MBTD1: variants seen among roughly 807,000 people sequenced by gnomAD.
The protein encoded by MBTD1 is MBT domain-containing protein 1.
Under a neutral mutation model 87.8 loss-of-function variants are expected in MBTD1, and 24 were observed. The observed-to-expected ratio is 0.27, with a 90% confidence interval of 0.20 to 0.38. The LOEUF is 0.38. MBTD1 is among the 10% of genes least tolerant of loss of function. The pLI, the probability that MBTD1 is intolerant of heterozygous loss-of-function variation, is 1.00. For missense variants in MBTD1, 436 were observed against 760.2 expected (o/e 0.57, Z 5.02); for synonymous variants, 237 against 248.6 (o/e 0.95, Z 0.44).
At chr17:51,216,072 C>T (rs569321514) in intron 6 of MBTD1, among the ~76,000 whole-genome samples, 1 of 151,828 alleles carries the variant, frequency 6.6e-6, no homozygotes, top group African/African-American at 2.4e-5. Flanking sequence ...GCTGGGACTA[C>T]AGGTGCCCAC....
chr17:51,199,451 A>T (rs866647937), intron 12 of MBTD1, among the ~76,000 whole-genome samples: 11 of 146,648 alleles, frequency 7.5e-5, no homozygotes, highest in African/African-American at 2.0e-4. Flanking sequence ...TTTTAAAAAA[A>T]TTTTTTTTTT....
At chr17:51,217,992 T>A (rs1361182599) in intron 5 of MBTD1, among the ~76,000 whole-genome samples, 7 of 152,204 alleles carry the variant, frequency 4.6e-5, no homozygotes, top group Admixed American at 3.9e-4. Flanking sequence ...TTGAGAGAAG[T>A]GTACAGAATG....
In MBTD1 at chr17:51,221,895, G is replaced by C. The variant is rs1568198450; in HGVS notation, c.155-1432C>G. On this transcript the variant is annotated intron_variant, in intron 3 of 16. Coordinates refer to ENST00000586178, the MANE Select transcript of MBTD1 (RefSeq NM_017643.3). ...GGAACCAATCCCCCATGGATACCAG[G>C]GGACAACTGTACTTACTTACAAATC... 2.0e-5 allele frequency among the ~76,000 whole-genome samples: 3 copies of C among 152,234 alleles called. No individual in the cohort carries two copies. The South Asian group carries it at 6.2e-4, about 32-fold the overall frequency.
chr17:51,251,656 G>GTTT (rs2054792865), intron 2 of MBTD1: 1 of 152,092 alleles, frequency 6.6e-6, no homozygotes, highest in Non-Finnish European at 1.5e-5. Flanking sequence ...TTGGAATTTG[G>GTTT]TTTATTTCTC....
At chr17:51,224,666 GA>G (rs1163880737) in intron 3 of MBTD1, among the ~76,000 whole-genome samples, 1 of 152,094 alleles carries the variant, frequency 6.6e-6, no homozygotes, top group Non-Finnish European at 1.5e-5. Flanking sequence ...TAATATAGAG[GA>G]GGGAGCCCAA....
intron 2 of MBTD1, among the ~76,000 whole-genome samples, chr17:51,241,223 C>G (rs1468176815): frequency 1.3e-5 from 2 of 152,304 alleles, no homozygotes; most frequent in Non-Finnish European, 2.9e-5. Flanking sequence ...ATCCTCCTGC[C>G]TTGGCCTCCC....
At position 51,259,162 on chromosome 17, in the gene MBTD1, A is replaced by T; in HGVS notation, c.-68T>A. On this transcript the variant is annotated 5_prime_UTR_variant, in exon 2 of 17. Transcript: ENST00000586178. ...ACCTACCACTTGTCAGAGAGGCTGC[A>T]GAGGGGACGGCTGCTTTGGATGACC... 1 of 834,378 alleles carries T rather than the reference A, an allele frequency of 1.2e-6. No homozygotes were observed. Among genetic ancestry groups the T allele is most frequent in the Non-Finnish European group, 1.6e-6 (1 of 624,332 alleles). The allele number at this position is 834,378 out of a possible 1,614,324, so 51.7% of individuals were successfully genotyped here. A position where few individuals can be genotyped will look rare whatever the true frequency, so the allele number is the denominator to read the frequency against.
At chr17:51,242,486 GACT>G in intron 2 of MBTD1, among the ~76,000 whole-genome samples, 1 of 152,260 alleles carries the variant, frequency 6.6e-6, no homozygotes, top group African/African-American at 2.4e-5. Flanking sequence ...TCTCTAGACT[GACT>G]ACTGAGTATA....
chr17:51,248,597 G>C (rs2054589710), intron 2 of MBTD1, among the ~76,000 whole-genome samples: 1 of 152,126 alleles, frequency 6.6e-6, no homozygotes, highest in African/African-American at 2.4e-5. Context: ...ATATATTTAA[G>C]ATTTTATATA....
chr17:51,231,364 T>A (rs1466892123), intron 2 of MBTD1, among the ~76,000 whole-genome samples: 3 of 152,218 alleles, frequency 2.0e-5, no homozygotes, highest in African/African-American at 4.8e-5. Context: ...GACTCTATTT[T>A]CAGGGAATAT....
chr17:51,230,285 T>C (rs2053477898), intron 2 of MBTD1, among the ~76,000 whole-genome samples: 1 of 152,154 alleles, frequency 6.6e-6, no homozygotes, highest in South Asian at 2.1e-4. Context: ...CAGTGTGGTG[T>C]TATGAACACA....
chr17:51,258,174 G>C (rs1338609875), intron 2 of MBTD1, among the ~76,000 whole-genome samples: 1 of 152,138 alleles, frequency 6.6e-6, no homozygotes, highest in Non-Finnish European at 1.5e-5. Flanking sequence ...TAGGAGACTG[G>C]GGCTTAAGGT....
chr17:51,239,079 G>A (rs1568225118), intron 2 of MBTD1, among the ~76,000 whole-genome samples: 1 of 144,564 alleles, frequency 6.9e-6, no homozygotes. Flanking sequence ...CAGCTTGGGC[G>A]ACCAAGCGAG....
At chr17:51,194,396 CCT>C (rs2050965353) in intron 13 of MBTD1, among the ~76,000 whole-genome samples, 2 of 151,394 alleles carry the variant, frequency 1.3e-5, no homozygotes, top group Non-Finnish European at 2.9e-5. Flanking sequence ...ATGGCGAAAC[CCT>C]GTCTCTACTA....
chr17:51,225,213 T>C lies in MBTD1; in HGVS notation c.-48-4A>G. Reference sequence around the variant, plus strand: ...CAGATCGTGAAGAATGTTCAGTCTTTGAAGTAAGAGAAACCAGTGACACAT... The same window carrying C: ...CAGATCGTGAAGAATGTTCAGTCTTCGAAGTAAGAGAAACCAGTGACACAT... On this transcript the variant is annotated splice_region_variant and splice_polypyrimidine_tract_variant and intron_variant, in intron 2 of 16. Coordinates refer to ENST00000586178, the MANE Select transcript of MBTD1 (RefSeq NM_017643.3). 6.8e-7 allele frequency: 1 copy of C among 1,481,118 alleles called. No individual in the cohort carries two copies. The highest frequency in any genetic ancestry group is 9.0e-7 in the Non-Finnish European group (1 of 1,110,328). 91.7% of individuals were successfully genotyped at this position (1,481,118 alleles called of 1,614,324 possible).
At chr17:51,257,423 T>C (rs1397876272) in intron 2 of MBTD1, among the ~76,000 whole-genome samples, 2 of 150,328 alleles carry the variant, frequency 1.3e-5, no homozygotes, top group Non-Finnish European at 2.9e-5. Flanking sequence ...TTTATCCTAA[T>C]ATGTTGTTTT....
At chr17:51,215,905 G>C (rs1158732989) in intron 6 of MBTD1, among the ~76,000 whole-genome samples, 3 of 144,830 alleles carry the variant, frequency 2.1e-5, no homozygotes, top group Non-Finnish European at 4.6e-5. Flanking sequence ...TTCATATGCT[G>C]TTATCTAAAA....
At chr17:51,182,706 C>G (rs1375031249) in intron 16 of MBTD1, among the ~76,000 whole-genome samples, 1 of 152,086 alleles carries the variant, frequency 6.6e-6, no homozygotes, top group East Asian at 1.9e-4. Context: ...GGTAAAAGTT[C>G]TTCATTTTTC....
chr17:51,199,140 C>T (rs900346604), intron 12 of MBTD1, among the ~76,000 whole-genome samples: 1 of 152,034 alleles, frequency 6.6e-6, no homozygotes, highest in African/African-American at 2.4e-5. Context: ...CTCTTGTTGC[C>T]CAGGCTGGAG....
Sources: allele counts gnomAD v4.1 joint callset (sites outside exome capture counted in the v4.1 genomes callset), GRCh38; gene constraint gnomAD v4.1.1; transcripts MANE v1.5; gene names NCBI Gene and HGNC (gene_info 2026-07-23, HGNC 2026-07-21).